GRIK2: variants seen among roughly 807,000 people sequenced by gnomAD.
GRIK2 encodes glutamate ionotropic receptor kainate type subunit 2.
Under a neutral mutation model 100.3 loss-of-function variants are expected in GRIK2, and 32 were observed. The observed-to-expected ratio is 0.32, with a 90% CI of 0.24 to 0.43. The LOEUF (loss-of-function observed/expected upper bound fraction) is 0.43, where lower values mean the gene tolerates loss of function less well. GRIK2 is among the 20% of genes least tolerant of loss of function. GRIK2 has a pLI of 1.00. For synonymous variants in GRIK2, 417 were observed against 389.4 expected (o/e 1.07, Z -0.83); for missense variants, 843 against 1,114.9 (o/e 0.76, Z 3.47).
At chr6:101,594,732 T>C (rs1197355634) in intron 2 of GRIK2, among the ~76,000 whole-genome samples, 1 of 151,790 alleles carries the variant, frequency 6.6e-6, no homozygotes, top group African/African-American at 2.4e-5. Context: ...TGAAGGCATT[T>C]ATAGTGTAAG....
At chr6:102,023,195 T>A (rs1157694591) in intron 14 of GRIK2, among the ~76,000 whole-genome samples, 1 of 151,488 alleles carries the variant, frequency 6.6e-6, no homozygotes, top group Non-Finnish European at 1.5e-5. Context: ...GGGAATGAAA[T>A]TATGAATAAA....
chr6:101,790,152 A>T (rs964017144), intron 7 of GRIK2, among the ~76,000 whole-genome samples: 13 of 152,168 alleles, frequency 8.5e-5, no homozygotes, highest in African/African-American at 3.1e-4. Context: ...TCATCTGCAA[A>T]CAAGGACAAT....
chr6:101,565,915 T>TATATA (rs1777234411), intron 2 of GRIK2, among the ~76,000 whole-genome samples: 1 of 123,336 alleles, frequency 8.1e-6, no homozygotes, highest in African/African-American at 3.5e-5. Context: ...TATACCTATT[T>TATATA]TATATATATA....
intron 4 of GRIK2, among the ~76,000 whole-genome samples, chr6:101,676,328 T>C (rs1487497783): frequency 6.6e-6 from 1 of 152,192 alleles, no homozygotes; most frequent in African/African-American, 2.4e-5. Flanking sequence ...GAAAAATGTC[T>C]TAAAGAATTT....
intron 4 of GRIK2, among the ~76,000 whole-genome samples, chr6:101,648,363 A>C (rs944385136): frequency 6.6e-6 from 1 of 152,096 alleles, no homozygotes; most frequent in African/African-American, 2.4e-5. Context: ...GATCTGCATT[A>C]CACCAAAAGT....
intron 7 of GRIK2, among the ~76,000 whole-genome samples, chr6:101,689,765 C>T (rs990831856): frequency 6.6e-6 from 1 of 152,042 alleles, no homozygotes; most frequent in African/African-American, 2.4e-5. Context: ...TTCTCCATTC[C>T]CACACAATGC....
chr6:101,609,327 CTAT>C (rs1779572764), intron 2 of GRIK2, among the ~76,000 whole-genome samples: 1 of 151,666 alleles, frequency 6.6e-6, no homozygotes, highest in East Asian at 1.9e-4. Context: ...AAAAAAATAC[CTAT>C]TATTGTATGT....
At chr6:101,607,481 G>A (rs186948351) in intron 2 of GRIK2, among the ~76,000 whole-genome samples, 9 of 152,082 alleles carry the variant, frequency 5.9e-5, no homozygotes, top group Admixed American at 5.9e-4. Flanking sequence ...TGAAAATGCT[G>A]CTGAAACGTG....
At chr6:101,658,506 A>G (rs531620794) in intron 4 of GRIK2, among the ~76,000 whole-genome samples, 3 of 152,348 alleles carry the variant, frequency 2.0e-5, no homozygotes, top group East Asian at 1.9e-4. Context: ...TAGTGCCACA[A>G]TAAACATACG....
chr6:101,896,109 C>A (rs1296551466), intron 12 of GRIK2, among the ~76,000 whole-genome samples: 7 of 151,542 alleles, frequency 4.6e-5, no homozygotes, highest in Non-Finnish European at 3.0e-5. Flanking sequence ...TTTAGTGGTT[C>A]CAGTGATGTT....
intron 2 of GRIK2, among the ~76,000 whole-genome samples, chr6:101,586,514 G>GA (rs887207339): frequency 2.0e-5 from 3 of 151,930 alleles, no homozygotes; most frequent in South Asian, 2.1e-4. Context: ...GACCCATAGG[G>GA]AAAAAATTCC....
chr6:101,485,176 A>G (rs1772754272), intron 2 of GRIK2, among the ~76,000 whole-genome samples: 1 of 152,176 alleles, frequency 6.6e-6, no homozygotes, highest in African/African-American at 2.4e-5. Context: ...TTATATATTT[A>G]GAATAATATA....
chr6:101,480,088 A>G lies in GRIK2; in HGVS notation c.115+80696A>G, dbSNP rs6940382. ...TAAGATTTCTGCAAATTTACAAAGG[A>G]ACATGGTGAGTGGGGAAAGGTTATA... is the stretch of plus-strand genomic sequence containing the variant. On this transcript the variant is annotated intron_variant, in intron 2 of 16. Transcript: ENST00000369134. Among the ~76,000 whole-genome samples the G allele has an allele frequency of 7.4e-3, 1,132 of 152,258 alleles. 10 individuals are homozygous for G. The highest frequency in any genetic ancestry group is 0.027 in the African/African-American group (1,102 of 41,562).
intron 7 of GRIK2, among the ~76,000 whole-genome samples, chr6:101,764,150 A>G (rs1233382127): frequency 1.3e-5 from 2 of 151,962 alleles, no homozygotes; most frequent in African/African-American, 2.4e-5. Flanking sequence ...TCTCAGGGCT[A>G]TCTTCTCTCA....
intron 2 of GRIK2, among the ~76,000 whole-genome samples, chr6:101,492,944 A>C (rs1474724124): frequency 6.6e-6 from 1 of 151,990 alleles, no homozygotes; most frequent in African/African-American, 2.4e-5. Flanking sequence ...GACTATCAGA[A>C]ATAAACCGGC....
At chr6:101,934,853 C>T (rs1039099163) in intron 14 of GRIK2, among the ~76,000 whole-genome samples, 2 of 151,842 alleles carry the variant, frequency 1.3e-5, no homozygotes, top group Admixed American at 6.6e-5. Context: ...GTTTATTTTC[C>T]TCTTGCTATA....
At chr6:101,641,780 A>G (rs1022425550) in intron 4 of GRIK2, among the ~76,000 whole-genome samples, 1 of 151,960 alleles carries the variant, frequency 6.6e-6, no homozygotes, top group Admixed American at 6.6e-5. Context: ...CTTTTAGCCT[A>G]CAGCAAAGAT....
chr6:101,469,829 T>A lies in GRIK2; in HGVS notation c.115+70437T>A, dbSNP rs115573688. Among the ~76,000 whole-genome samples, 337 of 152,296 alleles carry A rather than the reference T, an allele frequency of 2.2e-3. 1 individual carries two copies. The highest frequency in any genetic ancestry group is 7.6e-3 in the African/African-American group (317 of 41,582). The stretch of plus-strand genomic sequence containing the variant: ...GCGTGATTTCATGAAGTGATACAGA[T>A]GTTGGGGATTTAATCTTCATCTAAA... On this transcript the variant is annotated intron_variant, in intron 2 of 16. Transcript: ENST00000369134.
chr6:101,403,103 C>T (rs1283688126), intron 2 of GRIK2, among the ~76,000 whole-genome samples: 1 of 152,176 alleles, frequency 6.6e-6, no homozygotes, highest in Non-Finnish European at 1.5e-5. Flanking sequence ...CGTTCGGGAG[C>T]CCTCACATGT....
Sources: allele counts gnomAD v4.1 joint callset (sites outside exome capture counted in the v4.1 genomes callset), GRCh38; gene constraint gnomAD v4.1.1; transcripts MANE v1.5; gene names NCBI Gene and HGNC (gene_info 2026-07-23, HGNC 2026-07-21).